The following FAM107B variants were observed in gnomAD, a reference collection of about 807,000 sequenced individuals.
The protein encoded by FAM107B is family with sequence similarity 107 member B.
FAM107B carries 21 observed loss-of-function variants against 31.5 expected under a neutral mutation model. That is an observed-to-expected ratio of 0.67 (90% CI 0.47 to 0.96). The LOEUF (loss-of-function observed/expected upper bound fraction) is 0.96, where lower values mean the gene tolerates loss of function less well. FAM107B is among the 40% of genes least tolerant of loss of function. The pLI is 0.00. For missense variants in FAM107B, 452 were observed against 377.1 expected, an observed-to-expected ratio of 1.20 and a Z score of -1.64; for synonymous variants, 157 against 141.5, an observed-to-expected ratio of 1.11 and a Z score of -0.78.
At chr10:14,750,597 G>C (rs557344067) in intron 1 of FAM107B, among the ~76,000 whole-genome samples, 1 of 152,290 alleles carries the variant, frequency 6.6e-6, no homozygotes, top group South Asian at 2.1e-4. Flanking sequence ...GGGCAACAGA[G>C]TGAGACTCTG....
chr10:14,750,710 G>T (rs1473025097), intron 1 of FAM107B, among the ~76,000 whole-genome samples: 1 of 152,226 alleles, frequency 6.6e-6, no homozygotes, highest in Non-Finnish European at 1.5e-5. Context: ...ACTCTGGGAG[G>T]CTGAGATGGG....
chr10:14,583,347 C>T (rs562295128), intron 2 of FAM107B, among the ~76,000 whole-genome samples: 83 of 152,148 alleles, frequency 5.5e-4, no homozygotes, highest in African/African-American at 1.9e-3. Flanking sequence ...GGGGCAGAGT[C>T]GGAGATGAAG....
intron 2 of FAM107B, among the ~76,000 whole-genome samples, chr10:14,659,349 G>A (rs1053699671): frequency 2.0e-5 from 3 of 152,282 alleles, no homozygotes; most frequent in Non-Finnish European, 2.9e-5. Flanking sequence ...GCTGAGGCAG[G>A]AGAATTGCTG....
chr10:14,700,683 A>G lies in FAM107B; in HGVS notation c.412-32992T>C, dbSNP rs539763406. ...CATCCATTTTCTGACATAAACAACA[A>G]TGATGCTTTTTTCCCCCAGATGTTG... is the stretch of plus-strand genomic sequence containing the variant. On this transcript the variant is annotated intron_variant, in intron 1 of 4. Transcript: ENST00000181796. 1.1e-4 allele frequency among the ~76,000 whole-genome samples: 17 copies of G among 152,134 alleles called. No homozygotes were observed. The South Asian group carries it at 3.1e-3, about 28-fold the overall frequency.
intron 1 of FAM107B, among the ~76,000 whole-genome samples, chr10:14,673,800 C>T (rs551025077): frequency 3.4e-4 from 51 of 152,076 alleles, no homozygotes; most frequent in South Asian, 2.1e-3. Context: ...TCTTGATAAT[C>T]GCCATTTGAA....
intron 2 of FAM107B, chr10:14,556,327 C>G: frequency 1.0e-6 from 1 of 984,610 alleles, no homozygotes; most frequent in Non-Finnish European, 1.2e-6. Context: ...AATGGTGACT[C>G]CTCCCAAATG....
intron 2 of FAM107B, among the ~76,000 whole-genome samples, chr10:14,658,877 G>A (rs551698007): frequency 3.9e-5 from 6 of 152,262 alleles, no homozygotes; most frequent in Non-Finnish European, 5.9e-5. Context: ...AGAAGGGGAC[G>A]ACAGACAAAA....
chr10:14,686,741 A>G (rs1407286596), intron 1 of FAM107B, among the ~76,000 whole-genome samples: 28 of 152,180 alleles, frequency 1.8e-4, no homozygotes, highest in Non-Finnish European at 4.1e-4. Context: ...CAAGGTGCCC[A>G]AATGAACTTA....
At chr10:14,692,914 A>G (rs766290808) in intron 1 of FAM107B, among the ~76,000 whole-genome samples, 27 of 152,228 alleles carry the variant, frequency 1.8e-4, no homozygotes, top group Non-Finnish European at 2.8e-4. Flanking sequence ...TCATAGAGTT[A>G]TAGATCTTAT....
Position 14,530,423 on chromosome 10 carries a change from C to T in FAM107B, c.562G>A (p.Glu188Lys). 6.2e-7 allele frequency: 1 copy of T among 1,614,064 alleles called. No individual in the cohort carries two copies. Among genetic ancestry groups the T allele is most frequent in the South Asian group, 1.1e-5 (1 of 91,088 alleles). ...ATCAGTTTCTGAGGCCTAATGAGTT[C>T]AGGATTGTCATCTTCTATGTAGTCT... is the stretch of plus-strand genomic sequence containing the variant. ...EPDYIEDDNP[E>K]LIRPQKLINP... Residue 188 changes from glutamate (E) to lysine (K), a missense_variant, in exon 3 of 5, where the codon GAA becomes AAA. By Grantham distance (56) the Glu-to-Lys change is moderately conservative. Coordinates refer to ENST00000181796, the MANE Select transcript of FAM107B (RefSeq NM_031453.4).
chr10:14,762,683 G>T (rs1388771753), intron 1 of FAM107B, among the ~76,000 whole-genome samples: 1 of 150,798 alleles, frequency 6.6e-6, no homozygotes, highest in Non-Finnish European at 1.5e-5. Flanking sequence ...TCGAACATGG[G>T]AGGCAGAGGT....
At chr10:14,618,014 T>G (rs1293559441) in intron 2 of FAM107B, among the ~76,000 whole-genome samples, 1 of 152,194 alleles carries the variant, frequency 6.6e-6, no homozygotes, top group Non-Finnish European at 1.5e-5. Context: ...TGTAACCACC[T>G]CCACAATTAT....
rs1036107497 is a variant in FAM107B, at chr10:14,519,511, A to C, written c.*1679T>G. 4 of 152,244 alleles carry C rather than the reference A, an allele frequency of 2.6e-5. No homozygotes were observed. Among genetic ancestry groups the C allele is most frequent in the African/African-American group, 9.6e-5 (4 of 41,468 alleles). The allele number at this position is 152,244 out of a possible 1,614,324, so 9.4% of individuals were successfully genotyped here. ...CGAAACCAAATTACTGTAGAGCAACAATTTTTCTTAAGCATTTCTCATTTT... is the reference window on the plus strand; with the variant it reads ...CGAAACCAAATTACTGTAGAGCAACCATTTTTCTTAAGCATTTCTCATTTT... On this transcript the variant is annotated 3_prime_UTR_variant, in exon 5 of 5. Coordinates refer to ENST00000181796, the MANE Select transcript of FAM107B (RefSeq NM_031453.4).
chr10:14,610,114 C>T (rs530114074), intron 2 of FAM107B, among the ~76,000 whole-genome samples: 1 of 152,256 alleles, frequency 6.6e-6, no homozygotes, highest in South Asian at 2.1e-4. Context: ...GAGGCCGAGG[C>T]GGGTGGATCA....
At chr10:14,590,786 A>T (rs1851989269) in intron 2 of FAM107B, among the ~76,000 whole-genome samples, 1 of 151,518 alleles carries the variant, frequency 6.6e-6, no homozygotes, top group South Asian at 2.1e-4. Flanking sequence ...ATTCGAGACC[A>T]GCCTGACCAA....
intron 2 of FAM107B, among the ~76,000 whole-genome samples, chr10:14,652,145 C>T (rs977608824): frequency 1.7e-4 from 9 of 52,030 alleles, no homozygotes; most frequent in Non-Finnish European, 3.4e-4. Flanking sequence ...AGATATTCAA[C>T]TTCAAATGTT....
At chr10:14,673,731 T>C (rs905245656) in intron 1 of FAM107B, among the ~76,000 whole-genome samples, 1 of 152,222 alleles carries the variant, frequency 6.6e-6, no homozygotes, top group Non-Finnish European at 1.5e-5. Context: ...TCATAACGGC[T>C]GTACTGTAGG....
At chr10:14,643,214 C>T (rs1853672460) in intron 2 of FAM107B, among the ~76,000 whole-genome samples, 1 of 152,002 alleles carries the variant, frequency 6.6e-6, no homozygotes, top group Non-Finnish European at 1.5e-5. Flanking sequence ...GCTGGAGACT[C>T]AGTGGAGTTG....
At chr10:14,679,131 G>T (rs1854765205) in intron 1 of FAM107B, among the ~76,000 whole-genome samples, 1 of 148,372 alleles carries the variant, frequency 6.7e-6, no homozygotes, top group Admixed American at 6.6e-5. Flanking sequence ...AAGGTAATTT[G>T]TTTTCCTTTT....
Sources: gnomAD v4.1 joint callset for allele counts (sites outside exome capture counted in the v4.1 genomes callset) on GRCh38, gnomAD v4.1.1 for gene constraint, MANE v1.5 for transcripts, NCBI Gene and HGNC (gene_info 2026-07-23, HGNC 2026-07-21) for gene names.